Variants in PRAG1 observed in about 807,000 individuals in gnomAD.
The protein encoded by PRAG1 is PEAK1 related, kinase-activating pseudokinase 1.
Under a neutral mutation model 95.6 loss-of-function variants are expected in PRAG1, and 110 were observed. That is an observed-to-expected ratio of 1.15 (90% confidence interval 0.99 to 1.35). The LOEUF is 1.35. Ranked by LOEUF, PRAG1 falls within the 40% of genes most tolerant of loss-of-function variation. PRAG1 has a pLI of 0.00. For missense variants in PRAG1, 2,554 were observed against 1,864.7 expected (o/e 1.37, Z -6.81); for synonymous variants, 1,052 against 819.4 (o/e 1.28, Z -4.85).
chr8:8,386,205 C>G (rs1800844578), intron 1 of PRAG1, 116 bp downstream of exon 1: 1 of 151,866 alleles, frequency 6.6e-6, no homozygotes, highest in South Asian at 2.1e-4. Flanking sequence ...GAGCGGTCGC[C>G]TGTCACCCCG....
chr8:8,322,815 G>T (rs1011155168), intron 5 of PRAG1, among the ~76,000 whole-genome samples: 7 of 151,978 alleles, frequency 4.6e-5, no homozygotes, highest in African/African-American at 1.5e-4. Flanking sequence ...ATCCACCGAC[G>T]ACTTGGAAGC....
At chr8:8,338,366 C>G (rs1330314550) in intron 4 of PRAG1, among the ~76,000 whole-genome samples, 1 of 152,188 alleles carries the variant, frequency 6.6e-6, no homozygotes, top group Non-Finnish European at 1.5e-5. Flanking sequence ...GTAGATCACT[C>G]CCCAGAACTG....
At chr8:8,332,468 A>G (rs960973313) in intron 4 of PRAG1, among the ~76,000 whole-genome samples, 10 of 152,044 alleles carry the variant, frequency 6.6e-5, no homozygotes, top group African/African-American at 1.7e-4. Context: ...CCGGTCTATT[A>G]TGATTTTTGT....
intron 3 of PRAG1, among the ~76,000 whole-genome samples, chr8:8,347,306 C>T (rs1431112204): frequency 6.6e-6 from 1 of 152,196 alleles, no homozygotes; most frequent in Non-Finnish European, 1.5e-5. Flanking sequence ...CTCCAGGCTG[C>T]TGTGAATTCA....
intron 3 of PRAG1, among the ~76,000 whole-genome samples, chr8:8,365,304 C>G (rs73523447): frequency 0.024 from 3,666 of 152,240 alleles, 146 homozygotes; most frequent in African/African-American, 0.083. Context: ...CATCTGCCAC[C>G]TCACTCCCCA....
chr8:8,318,113 A>C lies in PRAG1; in HGVS notation c.*41T>G. ...TTCCAAGGCGAGACAGGAAAGGGTT[A>C]GGCAGGGAAGGGGCAGCGACGGTGC... On this transcript the variant is annotated 3_prime_UTR_variant, in exon 6 of 6. Transcript: ENST00000615670. The surrounding 1 kb of genome is among the most constrained non-coding windows in gnomAD (Gnocchi z 4.2). 2 of 1,566,044 alleles carry C rather than the reference A, an allele frequency of 1.3e-6. No homozygotes were observed. The highest frequency in any genetic ancestry group is 1.2e-5 in the South Asian group (1 of 82,898).
chr8:8,319,118 T>C lies in PRAG1; in HGVS notation c.3257A>G (p.Asp1086Gly), dbSNP rs1272920339. 2 of 1,607,334 alleles carry C rather than the reference T, an allele frequency of 1.2e-6. No individual in the cohort carries two copies. The highest frequency in any genetic ancestry group is 1.7e-6 in the Non-Finnish European group (2 of 1,178,014). The change falls in exon 6 of 6, where the codon GAC becomes GGC. Residue 1086 changes from aspartate (D) to glycine (G), a missense_variant. By Grantham distance (94) the Asp-to-Gly change is moderately conservative. Coordinates refer to ENST00000615670, the MANE Select transcript of PRAG1 (RefSeq NM_001080826.3). Reference sequence around the variant, plus strand: ...CTCTCGGGTGATGACCACCACGCAGTCCTGCTCCTGGGCAGGGGGGTGTGT... The same window carrying C: ...CTCTCGGGTGATGACCACCACGCAGCCCTGCTCCTGGGCAGGGGGGTGTGT... ...LPTHPPAQEQ[D>G]CVVVITREVP...
intron 3 of PRAG1, among the ~76,000 whole-genome samples, chr8:8,365,586 T>G (rs1799974854): frequency 6.6e-6 from 1 of 151,340 alleles, no homozygotes; most frequent in South Asian, 2.1e-4. Flanking sequence ...ATCGCGCCAT[T>G]GCACTCCAGC....
chr8:8,367,523 C>CGCTGA (rs1563250572), intron 3 of PRAG1, among the ~76,000 whole-genome samples: 1 of 142,444 alleles, frequency 7.0e-6, no homozygotes, highest in Non-Finnish European at 1.5e-5. Flanking sequence ...GATGCCACCA[C>CGCTGA]GCTGACTGCT....
chr8:8,333,609 G>C (rs1353219462), intron 4 of PRAG1, among the ~76,000 whole-genome samples: 23 of 152,198 alleles, frequency 1.5e-4, no homozygotes, highest in Admixed American at 1.4e-3. Context: ...CTCTCTTCTT[G>C]CTGGGTTTTA....
rs2116863733 is a variant in PRAG1, at chr8:8,349,961, A to G, written c.2163-10326T>C. Reference sequence around the variant, plus strand: ...CACACACACACACACACACACACACATACCACACAAACACACATACATGCA... The same window carrying G: ...CACACACACACACACACACACACACGTACCACACAAACACACATACATGCA... On this transcript the variant is annotated intron_variant, in intron 3 of 5. Coordinates refer to ENST00000615670, the MANE Select transcript of PRAG1 (RefSeq NM_001080826.3). 2.1e-5 allele frequency among the ~76,000 whole-genome samples: 3 copies of G among 144,646 alleles called. 1 individual carries two copies. The highest frequency in any genetic ancestry group is 2.0e-4 in the Admixed American group (3 of 14,904). The allele number at this position is 144,646 out of a possible 152,430, so 94.9% of individuals were successfully genotyped here.
In PRAG1 at chr8:8,376,595, G is replaced by C. The variant is rs1211093559; in HGVS notation, c.1814C>G (p.Ala605Gly). ...PAPSCRTNGVAISDPSRCPQP... is the reference protein window; with the variant it reads ...PAPSCRTNGVGISDPSRCPQP... ...GGGACACCTGGATGGGTCACTGATA[G>C]CGACACCGTTGGTCCGGCAGGAAGG... is the stretch of plus-strand genomic sequence containing the variant. The change falls in exon 3 of 6, where the codon GCT becomes GGT. Residue 605 changes from alanine (A) to glycine (G), a missense_variant. Transcript: ENST00000615670. 2 of 1,604,954 alleles carry C rather than the reference G, an allele frequency of 1.2e-6. No individual in the cohort carries two copies. Among genetic ancestry groups the C allele is most frequent in the Admixed American group, 3.4e-5 (2 of 59,496 alleles).
At position 8,378,080 on chromosome 8, in the gene PRAG1, T is replaced by C. The variant is rs1215237336; in HGVS notation, c.331-2A>G. The stretch of plus-strand genomic sequence containing the variant: ...GCCAGGGGCTCGTCTCCAGATGACC[T>C]ACACACAAGCCCAACGCAAAAAGAC... On this transcript the variant is annotated splice_acceptor_variant, in intron 2 of 5. Transcript: ENST00000615670. LOFTEE classifies it high-confidence loss of function. 5 of 1,524,330 alleles carry C rather than the reference T, an allele frequency of 3.3e-6. No homozygotes were observed. The highest frequency in any genetic ancestry group is 2.2e-5 in the Admixed American group (1 of 45,862). 94.4% of individuals were successfully genotyped at this position (1,524,330 alleles called of 1,614,324 possible).
Position 8,378,006 on chromosome 8 carries a change from T to A in PRAG1, c.403A>T (p.Ser135Cys), listed in dbSNP as rs1184474879. 2 of 1,597,276 alleles carry A rather than the reference T, an allele frequency of 1.3e-6. No individual in the cohort carries two copies. The highest frequency in any genetic ancestry group is 1.7e-6 in the Non-Finnish European group (2 of 1,170,744). The part of the protein sequence containing the change: ...QEDAPVVYLG[S>C]FRGVQKPAGP... ...GCAGGCTTCTGTACACCTCGGAAGCTGCCCAGGTAGACGACGGGGGCATCC... is the reference window on the plus strand; with the variant it reads ...GCAGGCTTCTGTACACCTCGGAAGCAGCCCAGGTAGACGACGGGGGCATCC... Residue 135 changes from serine to cysteine, a missense_variant, in exon 3 of 6, where the codon AGC (serine) becomes TGC (cysteine). Physicochemically the swap from Ser to Cys is moderately radical, Grantham distance 112. Coordinates refer to ENST00000615670, the MANE Select transcript of PRAG1 (RefSeq NM_001080826.3).
chr8:8,385,104 A>C (rs1417883873), intron 1 of PRAG1, among the ~76,000 whole-genome samples: 1 of 152,198 alleles, frequency 6.6e-6, no homozygotes, highest in Non-Finnish European at 1.5e-5. Flanking sequence ...CTTATGCCTT[A>C]TTCTGAAGTG....
intron 5 of PRAG1, among the ~76,000 whole-genome samples, chr8:8,324,240 C>T (rs912594861): frequency 2.6e-5 from 4 of 152,166 alleles, no homozygotes; most frequent in Admixed American, 6.5e-5. Flanking sequence ...GTTTCCAAGG[C>T]TCCTTTTTCT....
chr8:8,363,969 T>A (rs1799925454), intron 3 of PRAG1, among the ~76,000 whole-genome samples: 1 of 152,206 alleles, frequency 6.6e-6, no homozygotes, highest in Admixed American at 6.5e-5. Flanking sequence ...TATTTCATAA[T>A]CATAACATTT....
intron 5 of PRAG1, among the ~76,000 whole-genome samples, chr8:8,324,002 G>C (rs867757): frequency 0.24 from 36,544 of 152,204 alleles, 5,310 homozygotes; most frequent in East Asian, 0.54. Flanking sequence ...GAATGACAGG[G>C]GCAGGGATAG....
rs371674422 is a variant in PRAG1, at chr8:8,376,546, C to A, written c.1863G>T (p.Ser621=). The A allele has an allele frequency of 6.2e-7, 1 of 1,609,114 alleles. No individual in the cohort carries two copies. ...CCTGGAACCTGGGCCGCCTCTGTTCCGAGGCTGACGAGGCGGCAGGCTGGG... is the reference window on the plus strand; with the variant it reads ...CCTGGAACCTGGGCCGCCTCTGTTCAGAGGCTGACGAGGCGGCAGGCTGGG... ...RCPQPAASSA[S]EQRRPRFQAG... The change falls in exon 3 of 6, where the codon TCG becomes TCT. Residue 621 remains serine, a synonymous_variant. Coordinates refer to ENST00000615670, the MANE Select transcript of PRAG1 (RefSeq NM_001080826.3).
Sources: allele counts gnomAD v4.1 joint callset (sites outside exome capture counted in the v4.1 genomes callset), GRCh38; gene constraint gnomAD v4.1.1; non-coding constraint Gnocchi (gnomAD v3.1); transcripts MANE v1.5; gene names NCBI Gene and HGNC (gene_info 2026-07-23, HGNC 2026-07-21).